The following FBXO46 variants were observed in gnomAD, a reference collection of about 807,000 sequenced individuals.
The protein encoded by FBXO46 is F-box protein 46, also known as F-box only protein 46.
A neutral mutation model predicts 30.7 loss-of-function variants in FBXO46; 13 were observed. The ratio of observed to expected loss-of-function variants is 0.42; its 90% CI spans 0.28 to 0.67. FBXO46 has a LOEUF of 0.67. Among genes scored for constraint, FBXO46 ranks in the 30% least tolerant of loss-of-function variants. FBXO46 has a pLI of 0.21. For synonymous variants in FBXO46, 467 were observed against 385.8 expected (o/e 1.21, Z -2.47); for missense variants, 754 against 871.5 (o/e 0.87, Z 1.70).
intron 1 of FBXO46, among the ~76,000 whole-genome samples, chr19:45,727,804 G>A (rs866653109): frequency 1.3e-5 from 2 of 151,922 alleles, no homozygotes; most frequent in African/African-American, 2.4e-5. Context: ...AAAGTTAAAC[G>A]AACAAAAGCA....
chr19:45,725,610 T>TGCA (rs1344781662), intron 1 of FBXO46, among the ~76,000 whole-genome samples: 27 of 152,082 alleles, frequency 1.8e-4, no homozygotes, highest in Admixed American at 1.8e-3. Flanking sequence ...GGTGTGCGCC[T>TGCA]GCAGTCCCAG....
At chr19:45,720,356 T>A (rs1968152744) in intron 1 of FBXO46, among the ~76,000 whole-genome samples, 1 of 152,192 alleles carries the variant, frequency 6.6e-6, no homozygotes, top group Admixed American at 6.6e-5. Context: ...GGTCTCGAAC[T>A]CCTGACCTCA....
In FBXO46 at chr19:45,713,511, C is replaced by T. The variant is rs375878826; in HGVS notation, c.-16G>A. 1.3e-6 allele frequency: 2 copies of T among 1,534,130 alleles called. No individual in the cohort carries two copies. Among genetic ancestry groups the T allele is most frequent in the Non-Finnish European group, 1.8e-6 (2 of 1,136,650 alleles). Reference sequence around the variant, plus strand: ...CACGGTCCATGCTGGGGGATGATGGCAGACAGGCTGGGCTTCAGCGCATCT... The same window carrying T: ...CACGGTCCATGCTGGGGGATGATGGTAGACAGGCTGGGCTTCAGCGCATCT... On this transcript the variant is annotated 5_prime_UTR_variant, in exon 2 of 2. Coordinates refer to ENST00000317683, the MANE Select transcript of FBXO46 (RefSeq NM_001080469.2). This position sits in a 1 kb window ranked among gnomAD's most constrained non-coding sequence, Gnocchi z 4.7.
At position 45,713,581 on chromosome 19, in the gene FBXO46, C is replaced by CA. The variant is rs1220433689; in HGVS notation, c.-78-9dup. The CA allele has an allele frequency of 4.3e-6, 5 of 1,152,286 alleles. No homozygotes were observed. Among genetic ancestry groups the CA allele is most frequent in the Admixed American group, 2.8e-5 (1 of 35,556 alleles). 71.4% of individuals were successfully genotyped at this position (1,152,286 alleles called of 1,614,324 possible). On this transcript the variant is annotated splice_polypyrimidine_tract_variant and intron_variant, in intron 1 of 1. Transcript: ENST00000317683. This position sits in a 1 kb window ranked among gnomAD's most constrained non-coding sequence, Gnocchi z 4.7. ...GGAGGCTCCACATGCCACCTGGAGA[C>CA]ACGAAGAGGAGGTTGGGGAGCTAGG...
At chr19:45,731,478 G>A (rs1187772603), upstream of FBXO46, among the ~76,000 whole-genome samples, 13 of 151,888 alleles carry the variant, frequency 8.6e-5, no homozygotes, top group Non-Finnish European at 1.3e-4. Flanking sequence ...CACCACGCCC[G>A]GCTAGTTTTT....
intron 1 of FBXO46, among the ~76,000 whole-genome samples, chr19:45,723,703 A>G (rs1416820747): frequency 6.6e-6 from 1 of 152,022 alleles, no homozygotes; most frequent in Non-Finnish European, 1.5e-5. Context: ...TCTGTCACCC[A>G]GGCTAGAGTG....
chr19:45,712,066 G>GGCA lies in FBXO46; in HGVS notation c.1427_1429dup (p.Leu476dup). The stretch of plus-strand genomic sequence containing the variant: ...GAAGATCTTGACCAGCACGTGCTCG[G>GGCA]GCAGCAGCAGCATGTACTGTCGCGG... On this transcript the variant is annotated inframe_insertion, in exon 2 of 2. Transcript: ENST00000317683. The surrounding 1 kb of genome is among the most constrained non-coding windows in gnomAD (Gnocchi z 8.8). 6.2e-7 allele frequency: 1 copy of GGCA among 1,610,334 alleles called. No individual in the cohort carries two copies. Among genetic ancestry groups the GGCA allele is most frequent in the East Asian group, 2.2e-5 (1 of 44,734 alleles).
At chr19:45,728,892 T>A (rs1488066899) in intron 1 of FBXO46, among the ~76,000 whole-genome samples, 1 of 151,914 alleles carries the variant, frequency 6.6e-6, no homozygotes, top group Non-Finnish European at 1.5e-5. Flanking sequence ...TCCCAGCACT[T>A]TGGGACGCTG....
At position 45,712,191 on chromosome 19, in the gene FBXO46, G is replaced by A. The variant is rs1967985710; in HGVS notation, c.1305C>T (p.Asp435=). 6.2e-7 allele frequency: 1 copy of A among 1,603,940 alleles called. No individual in the cohort carries two copies. Among genetic ancestry groups the A allele is most frequent in the African/African-American group, 1.3e-5 (1 of 74,880 alleles). ...AGGTGTCCGCCGTGCCCTCGGCATC[G>A]TCTGGGCCGGGCGCAGTGGCCGGGG... The part of the protein sequence containing the change: ...ADSPATAPGP[D]DAEGTADTSL... The change falls in exon 2 of 2, where the codon GAC becomes GAT. Residue 435 remains aspartate (D), a synonymous_variant. Transcript: ENST00000317683. This position sits in a 1 kb window ranked among gnomAD's most constrained non-coding sequence, Gnocchi z 8.8.
chr19:45,725,659 G>A (rs937825522), intron 1 of FBXO46, among the ~76,000 whole-genome samples: 1 of 152,076 alleles, frequency 6.6e-6, no homozygotes, highest in African/African-American at 2.4e-5. Flanking sequence ...GCTTGAGCCC[G>A]GGAGGTAGAG....
At chr19:45,732,418 CG>C (rs1968331724), upstream of FBXO46, among the ~76,000 whole-genome samples, 5 of 149,402 alleles carry the variant, frequency 3.3e-5, no homozygotes, top group Admixed American at 2.7e-4. Context: ...CCCCTTAAGA[CG>C]TATTTTCCAG....
At chr19:45,720,883 A>G (rs1033101594) in intron 1 of FBXO46, among the ~76,000 whole-genome samples, 1 of 151,554 alleles carries the variant, frequency 6.6e-6, no homozygotes, top group Non-Finnish European at 1.5e-5. Flanking sequence ...AATCCCAGCT[A>G]CTCAGGAGCT....
chr19:45,729,100 T>G (rs1968276082), intron 1 of FBXO46, among the ~76,000 whole-genome samples: 1 of 149,190 alleles, frequency 6.7e-6, no homozygotes, highest in Non-Finnish European at 1.5e-5. Context: ...AAACTCCGCC[T>G]CAAAAACAAA....
At chr19:45,717,770 G>A (rs542388307) in intron 1 of FBXO46, among the ~76,000 whole-genome samples, 16 of 139,788 alleles carry the variant, frequency 1.1e-4, no homozygotes, top group Non-Finnish European at 1.9e-4. Context: ...AGCTTTGGTT[G>A]GGAACTGTGG....
At chr19:45,719,769 C>T (rs1000710257) in intron 1 of FBXO46, among the ~76,000 whole-genome samples, 3 of 152,212 alleles carry the variant, frequency 2.0e-5, no homozygotes, top group African/African-American at 7.2e-5. Flanking sequence ...CCAGGAATGG[C>T]TCATGGGAAA....
Position 45,711,493 on chromosome 19 carries a change from G to A in FBXO46, c.*191C>T, listed in dbSNP as rs1286090127. The A allele has an allele frequency of 2.9e-6, 2 of 701,080 alleles. No homozygotes were observed. The highest frequency in any genetic ancestry group is 5.4e-5 in the East Asian group (2 of 37,102). 43.4% of individuals were successfully genotyped at this position (701,080 alleles called of 1,614,324 possible). The stretch of plus-strand genomic sequence containing the variant: ...GAGGGTCCACGGCCCTGGTTCTGAA[G>A]AGTAGAAAATCAACAGGATCAAGCA... On this transcript the variant is annotated 3_prime_UTR_variant, in exon 2 of 2. Transcript: ENST00000317683.
intron 1 of FBXO46, among the ~76,000 whole-genome samples, chr19:45,725,522 A>G (rs1274465190): frequency 6.6e-6 from 1 of 151,858 alleles, no homozygotes; most frequent in Non-Finnish European, 1.5e-5. Flanking sequence ...CTTGAGTCTC[A>G]TTGTTCAGGA....
Position 45,712,066 on chromosome 19 carries a change from G to GGAA in FBXO46, c.1429_1430insTTC (p.Leu476dup). On this transcript the variant is annotated inframe_insertion, in exon 2 of 2. Coordinates refer to ENST00000317683, the MANE Select transcript of FBXO46 (RefSeq NM_001080469.2). The surrounding 1 kb of genome is among the most constrained non-coding windows in gnomAD (Gnocchi z 8.8). ...GAAGATCTTGACCAGCACGTGCTCG[G>GGAA]GCAGCAGCAGCATGTACTGTCGCGG... 17 of 1,610,334 alleles carry GGAA rather than the reference G, an allele frequency of 1.1e-5. No individual in the cohort carries two copies. Among genetic ancestry groups the GGAA allele is most frequent in the Non-Finnish European group, 1.4e-5 (17 of 1,178,836 alleles).
chr19:45,727,253 C>CA (rs940849845), intron 1 of FBXO46, among the ~76,000 whole-genome samples: 3 of 116,686 alleles, frequency 2.6e-5, no homozygotes, highest in Non-Finnish European at 5.5e-5. Flanking sequence ...TGGTTCAAAA[C>CA]AAAAAAAAAG....
Sources: gnomAD v4.1 joint callset for allele counts (sites outside exome capture counted in the v4.1 genomes callset) on GRCh38, gnomAD v4.1.1 for gene constraint, Gnocchi (gnomAD v3.1) non-coding constraint, MANE v1.5 for transcripts, NCBI Gene and HGNC (gene_info 2026-07-23, HGNC 2026-07-21) for gene names.